The following KCTD8 variants were observed in gnomAD, a reference collection of about 807,000 sequenced individuals.
The protein encoded by KCTD8 is potassium channel tetramerization domain containing 8.
A neutral mutation model predicts 31.5 loss-of-function variants in KCTD8; 27 were observed. That is an observed-to-expected ratio of 0.86 (90% confidence interval 0.63 to 1.18). The LOEUF (loss-of-function observed/expected upper bound fraction) is 1.18, where lower values mean the gene tolerates loss of function less well. KCTD8 is among the 50% of genes most tolerant of loss of function. The pLI, the probability that KCTD8 is intolerant of heterozygous loss-of-function variation, is 0.00. For missense variants in KCTD8, 658 were observed against 647.7 expected, an observed-to-expected ratio of 1.02 and a Z score of -0.17; for synonymous variants, 290 against 280.0, an observed-to-expected ratio of 1.04 and a Z score of -0.36.
chr4:44,311,625 G>T (rs1717954029), intron 1 of KCTD8, among the ~76,000 whole-genome samples: 1 of 151,948 alleles, frequency 6.6e-6, no homozygotes, highest in Non-Finnish European at 1.5e-5. Flanking sequence ...AAGATATACA[G>T]TATTTAACAT....
chr4:44,214,100 G>A (rs1042063413), intron 1 of KCTD8, among the ~76,000 whole-genome samples: 17 of 152,034 alleles, frequency 1.1e-4, no homozygotes, highest in African/African-American at 4.1e-4. Context: ...ATTTCTGTAA[G>A]CCCTAAGCAC....
chr4:44,291,413 C>T (rs1717268561), intron 1 of KCTD8, among the ~76,000 whole-genome samples: 1 of 152,068 alleles, frequency 6.6e-6, no homozygotes, highest in African/African-American at 2.4e-5. Flanking sequence ...ATAAATGGTG[C>T]TGAGATAACT....
intron 1 of KCTD8, among the ~76,000 whole-genome samples, chr4:44,401,801 T>C (rs1463939570): frequency 6.6e-6 from 1 of 152,218 alleles, no homozygotes; most frequent in African/African-American, 2.4e-5. Context: ...ATTCTCTTAT[T>C]CTCATTCCTT....
intron 1 of KCTD8, among the ~76,000 whole-genome samples, chr4:44,414,199 G>GA (rs60610727): frequency 0.013 from 1,847 of 142,734 alleles, 38 homozygotes; most frequent in African/African-American, 0.043. Context: ...ACAGAGTCCT[G>GA]AAAAAAAAAA....
At chr4:44,234,984 A>G (rs1715232576) in intron 1 of KCTD8, among the ~76,000 whole-genome samples, 1 of 152,206 alleles carries the variant, frequency 6.6e-6, no homozygotes, top group Non-Finnish European at 1.5e-5. Context: ...AATAGAACAT[A>G]TGAAGAATCA....
intron 1 of KCTD8, among the ~76,000 whole-genome samples, chr4:44,356,598 C>T (rs1359109516): frequency 1.3e-5 from 2 of 151,986 alleles, no homozygotes; most frequent in Non-Finnish European, 2.9e-5. Context: ...CTCAGCCTGC[C>T]GAGTAGCTGG....
chr4:44,378,257 A>ATATATATATC (rs1553904493), intron 1 of KCTD8, among the ~76,000 whole-genome samples: 2 of 144,312 alleles, frequency 1.4e-5, no homozygotes, highest in African/African-American at 5.1e-5. Context: ...ATATATATAT[A>ATATATATATC]TCTCCATGTA....
At chr4:44,419,725 T>C (rs1464417386) in intron 1 of KCTD8, among the ~76,000 whole-genome samples, 1 of 151,960 alleles carries the variant, frequency 6.6e-6, no homozygotes, top group Non-Finnish European at 1.5e-5. Flanking sequence ...GGGGAAGGGA[T>C]AGCATTAGGA....
At chr4:44,178,006 A>G (rs972352473) in intron 1 of KCTD8, among the ~76,000 whole-genome samples, 1 of 152,088 alleles carries the variant, frequency 6.6e-6, no homozygotes, top group Non-Finnish European at 1.5e-5. Flanking sequence ...ATCAGTTTTT[A>G]GTGGCACCAG....
intron 1 of KCTD8, among the ~76,000 whole-genome samples, chr4:44,291,071 T>C (rs996331763): frequency 3.3e-5 from 5 of 151,914 alleles, no homozygotes; most frequent in African/African-American, 1.2e-4. Flanking sequence ...ATTAGATAGA[T>C]TAACAAAGAA....
intron 1 of KCTD8, among the ~76,000 whole-genome samples, chr4:44,209,878 T>C (rs1714431723): frequency 6.6e-6 from 1 of 152,064 alleles, no homozygotes. Context: ...CCTGCACAGA[T>C]TGAAGTAGTA....
At chr4:44,345,796 C>T (rs1719021678) in intron 1 of KCTD8, among the ~76,000 whole-genome samples, 1 of 151,822 alleles carries the variant, frequency 6.6e-6, no homozygotes, top group African/African-American at 2.4e-5. Context: ...TTTTTGAGTA[C>T]AAGATTTTCA....
At chr4:44,313,729 A>C (rs1163995455) in intron 1 of KCTD8, among the ~76,000 whole-genome samples, 1 of 152,192 alleles carries the variant, frequency 6.6e-6, no homozygotes, top group Non-Finnish European at 1.5e-5. Context: ...ATATCCTAAT[A>C]AGAAACCTAG....
At chr4:44,324,475 C>G (rs987214589) in intron 1 of KCTD8, among the ~76,000 whole-genome samples, 1 of 152,044 alleles carries the variant, frequency 6.6e-6, no homozygotes, top group Non-Finnish European at 1.5e-5. Context: ...GATGCATTTA[C>G]TTCACAGTTT....
At chr4:44,333,503 G>T (rs111709306) in intron 1 of KCTD8, among the ~76,000 whole-genome samples, 7 of 152,170 alleles carry the variant, frequency 4.6e-5, no homozygotes, top group Admixed American at 2.6e-4. Context: ...GCACAAGCTG[G>T]GTAGGTATAA....
At chr4:44,349,065 G>GCCACCGCCACCACCACCA (rs1719122369) in intron 1 of KCTD8, among the ~76,000 whole-genome samples, 1 of 107,828 alleles carries the variant, frequency 9.3e-6, no homozygotes, top group East Asian at 2.3e-4. Context: ...CACCATCGCT[G>GCCACCGCCACCACCACCA]CCACCGCCAC....
intron 1 of KCTD8, among the ~76,000 whole-genome samples, chr4:44,371,608 A>T (rs1719788571): frequency 6.6e-6 from 1 of 152,236 alleles, no homozygotes; most frequent in South Asian, 2.1e-4. Context: ...TGAAAAAAGC[A>T]GAATGCAAAC....
chr4:44,253,024 T>C (rs1422332251), intron 1 of KCTD8, among the ~76,000 whole-genome samples: 2 of 151,780 alleles, frequency 1.3e-5, no homozygotes, highest in Non-Finnish European at 1.5e-5. Context: ...TATTCAATTT[T>C]TTTTCCTGAA....
chr4:44,252,944 C>A (rs139997727), intron 1 of KCTD8, among the ~76,000 whole-genome samples: 1 of 151,728 alleles, frequency 6.6e-6, no homozygotes, highest in Non-Finnish European at 1.5e-5. Flanking sequence ...ACCTCCTTGG[C>A]CTAATGTTTA....
Sources: gnomAD v4.1 joint callset for allele counts (sites outside exome capture counted in the v4.1 genomes callset) on GRCh38, gnomAD v4.1.1 for gene constraint, MANE v1.5 for transcripts, NCBI Gene and HGNC (gene_info 2026-07-23, HGNC 2026-07-21) for gene names.